The following SNTG1 variants were observed in gnomAD, a reference collection of about 807,000 sequenced individuals.
The protein encoded by SNTG1 is syntrophin gamma 1, also known as gamma-1-syntrophin.
Under a neutral mutation model 74.7 loss-of-function variants are expected in SNTG1, and 39 were observed. The observed-to-expected ratio is 0.52, with a 90% CI of 0.40 to 0.68. The LOEUF (loss-of-function observed/expected upper bound fraction) is 0.68. Ranked by LOEUF, SNTG1 falls within the 30% of genes least tolerant of loss-of-function variation. The pLI is 0.00. For synonymous variants in SNTG1, 254 were observed against 217.1 expected (o/e 1.17, Z -1.49); for missense variants, 685 against 609.5 (o/e 1.12, Z -1.30).
chr8:50,574,649 C>A (rs2130782528), intron 12 of SNTG1, among the ~76,000 whole-genome samples: 1 of 152,170 alleles, frequency 6.6e-6, no homozygotes, highest in East Asian at 1.9e-4. Flanking sequence ...GAACAGTAAT[C>A]ATATTCTGAG....
intron 18 of SNTG1, among the ~76,000 whole-genome samples, chr8:50,777,945 A>G (rs1026742611): frequency 1.1e-4 from 17 of 152,054 alleles, no homozygotes; most frequent in Admixed American, 8.5e-4. Context: ...GAGTGAGAAT[A>G]TGCGGTGTTT....
intron 4 of SNTG1, among the ~76,000 whole-genome samples, chr8:50,411,904 CT>C (rs1318495901): frequency 1.3e-5 from 2 of 152,146 alleles, no homozygotes; most frequent in African/African-American, 4.8e-5. Flanking sequence ...GCAACACCAT[CT>C]CAGGTTCCAT....
chr8:50,592,485 G>A (rs1305311649), intron 13 of SNTG1, among the ~76,000 whole-genome samples: 1 of 152,156 alleles, frequency 6.6e-6, no homozygotes, highest in Non-Finnish European at 1.5e-5. Context: ...CACTTCTCAT[G>A]TAGTCAGCTT....
chr8:50,357,439 C>A (rs552805310), intron 2 of SNTG1, among the ~76,000 whole-genome samples: 1 of 152,330 alleles, frequency 6.6e-6, no homozygotes, highest in South Asian at 2.1e-4. Flanking sequence ...ATTATAAAAG[C>A]AGCAGACACA....
At chr8:50,181,086 T>G (rs1466236836) in intron 2 of SNTG1, among the ~76,000 whole-genome samples, 1 of 152,158 alleles carries the variant, frequency 6.6e-6, no homozygotes, top group African/African-American at 2.4e-5. Flanking sequence ...AAGAGAAGTC[T>G]TGCATTACTC....
At chr8:49,982,008 A>T (rs1812724197) in intron 1 of SNTG1, among the ~76,000 whole-genome samples, 1 of 152,164 alleles carries the variant, frequency 6.6e-6, no homozygotes, top group African/African-American at 2.4e-5. Flanking sequence ...TAGATAATAA[A>T]ATCTATGGAG....
chr8:50,703,445 G>A (rs1397114473), intron 15 of SNTG1, among the ~76,000 whole-genome samples: 1 of 152,036 alleles, frequency 6.6e-6, no homozygotes, highest in Non-Finnish European at 1.5e-5. Context: ...GCAATAACAC[G>A]CATGGAGCTG....
chr8:50,204,424 C>T (rs1041874853), intron 2 of SNTG1, among the ~76,000 whole-genome samples: 1 of 151,858 alleles, frequency 6.6e-6, no homozygotes, highest in Non-Finnish European at 1.5e-5. Context: ...GTGTCTGTAC[C>T]TTGCCAGACA....
chr8:50,095,193 G>T (rs1055655320), intron 1 of SNTG1, among the ~76,000 whole-genome samples: 1 of 152,272 alleles, frequency 6.6e-6, no homozygotes, highest in African/African-American at 2.4e-5. Flanking sequence ...TTGAAAAACT[G>T]CTTGTTGGGT....
At chr8:50,077,565 A>G (rs1046855388) in intron 1 of SNTG1, among the ~76,000 whole-genome samples, 3 of 152,180 alleles carry the variant, frequency 2.0e-5, no homozygotes, top group African/African-American at 7.2e-5. Flanking sequence ...TGCATTTTAA[A>G]AGCTTTAAGC....
intron 12 of SNTG1, among the ~76,000 whole-genome samples, chr8:50,579,131 T>C (rs1021216480): frequency 1.3e-5 from 2 of 152,134 alleles, no homozygotes; most frequent in Admixed American, 1.3e-4. Flanking sequence ...CTGATAGTGA[T>C]ATGGACAATG....
chr8:50,199,141 T>A (rs1002671742), intron 2 of SNTG1, among the ~76,000 whole-genome samples: 2 of 152,022 alleles, frequency 1.3e-5, no homozygotes, highest in Non-Finnish European at 2.9e-5. Context: ...TTTGCAGTGT[T>A]TTTTTTTAAA....
chr8:50,630,065 T>C (rs905340354), intron 13 of SNTG1, among the ~76,000 whole-genome samples: 1 of 152,198 alleles, frequency 6.6e-6, no homozygotes, highest in African/African-American at 2.4e-5. Context: ...TAAATTTCTA[T>C]TTTGCATGTT....
intron 13 of SNTG1, among the ~76,000 whole-genome samples, chr8:50,600,123 A>G (rs1013890976): frequency 3.3e-5 from 5 of 152,138 alleles, no homozygotes; most frequent in Non-Finnish European, 5.9e-5. Flanking sequence ...TGTGTATGTT[A>G]AACCATTGTT....
intron 2 of SNTG1, among the ~76,000 whole-genome samples, chr8:50,269,489 G>A (rs969724279): frequency 1.3e-5 from 2 of 152,002 alleles, no homozygotes; most frequent in African/African-American, 4.8e-5. Flanking sequence ...TGTAAACTAC[G>A]TCTCTCTATA....
chr8:50,100,725 TA>T (rs2080090657), intron 1 of SNTG1, among the ~76,000 whole-genome samples: 1 of 152,156 alleles, frequency 6.6e-6, no homozygotes, highest in South Asian at 2.1e-4. Flanking sequence ...ATGCATTTTC[TA>T]TGTCATATTT....
At chr8:49,919,632 T>C (rs1311701946) in intron 1 of SNTG1, among the ~76,000 whole-genome samples, 1 of 152,078 alleles carries the variant, frequency 6.6e-6, no homozygotes, top group East Asian at 1.9e-4. Flanking sequence ...TTTGTGGGTG[T>C]CCTTTTACTA....
At chr8:50,044,763 TTCA>T (rs748813872) in intron 1 of SNTG1, among the ~76,000 whole-genome samples, 35 of 152,198 alleles carry the variant, frequency 2.3e-4, no homozygotes, top group African/African-American at 8.4e-4. Flanking sequence ...ACCACATTGT[TTCA>T]TCATATTTGC....
chr8:50,507,910 C>G (rs756977747), intron 9 of SNTG1, among the ~76,000 whole-genome samples: 2 of 125,368 alleles, frequency 1.6e-5, no homozygotes, highest in Non-Finnish European at 3.4e-5. Flanking sequence ...GTTCAATTCC[C>G]ACCTTCATTT....
Sources: gnomAD v4.1 joint callset for allele counts (sites outside exome capture counted in the v4.1 genomes callset) on GRCh38, gnomAD v4.1.1 for gene constraint, MANE v1.5 for transcripts, NCBI Gene and HGNC (gene_info 2026-07-23, HGNC 2026-07-21) for gene names.